Variants in CD226 observed in about 807,000 individuals in gnomAD.
The protein encoded by CD226 is CD226 molecule.
Under a neutral mutation model 34.9 loss-of-function variants are expected in CD226, and 24 were observed. The ratio of observed to expected loss-of-function variants is 0.69; its 90% CI spans 0.50 to 0.97. The LOEUF (loss-of-function observed/expected upper bound fraction) is 0.97. Ranked by LOEUF, CD226 falls within the 50% of genes least tolerant of loss-of-function variation. The pLI, the probability that CD226 is intolerant of heterozygous loss-of-function variation, is 0.00. For synonymous variants in CD226, 148 were observed against 147.4 expected (o/e 1.00, Z -0.03); for missense variants, 397 against 412.7 (o/e 0.96, Z 0.33).
chr18:69,919,374 C>T lies in CD226; in HGVS notation c.383-23329G>A, dbSNP rs531980844. 3.9e-5 allele frequency among the ~76,000 whole-genome samples: 6 copies of T among 152,192 alleles called. No homozygotes were observed. The East Asian group carries it at 1.2e-3, about 29-fold the overall frequency. ...AGGAAAAAACTGACCGTTTACATAG[C>T]TACAAAAAAATATCTAAAATATTGT... On this transcript the variant is annotated intron_variant, in intron 2 of 5. Transcript: ENST00000582621.
At position 69,907,870 on chromosome 18, in the gene CD226, AAAGTT is replaced by A. The variant is rs1186744695; in HGVS notation, c.383-11830_383-11826del. On this transcript the variant is annotated intron_variant, in intron 2 of 5. Coordinates refer to ENST00000582621, the MANE Select transcript of CD226 (RefSeq NM_001303618.2). Reference sequence around the variant, plus strand: ...AATTTCAAATATTCTCACCACAAAAAAAGTTAAGTATTTGAGAGGATGGATACATG... The same window carrying A: ...AATTTCAAATATTCTCACCACAAAAAAAGTATTTGAGAGGATGGATACATG... Among the ~76,000 whole-genome samples, 7 of 152,318 alleles carry A rather than the reference AAAGTT, an allele frequency of 4.6e-5. No homozygotes were observed. In the East Asian group the frequency reaches 9.6e-4, roughly 21 times the overall value.
chr18:69,872,386 A>G (rs1353223889), intron 4 of CD226, among the ~76,000 whole-genome samples: 1 of 151,704 alleles, frequency 6.6e-6, no homozygotes, highest in Non-Finnish European at 1.5e-5. Flanking sequence ...AAAATTCCCA[A>G]CTGTGCTACA....
At chr18:69,901,379 G>C (rs2055180404) in intron 2 of CD226, among the ~76,000 whole-genome samples, 1 of 152,108 alleles carries the variant, frequency 6.6e-6, no homozygotes, top group African/African-American at 2.4e-5. Flanking sequence ...TTGAGATTCA[G>C]GCTAAAATAT....
intron 1 of CD226, among the ~76,000 whole-genome samples, chr18:69,954,416 A>G (rs1223393038): frequency 1.3e-5 from 2 of 152,130 alleles, no homozygotes; most frequent in African/African-American, 2.4e-5. Context: ...AAACATATCT[A>G]TTTTCTGAGG....
At chr18:69,898,604 G>A (rs961459701) in intron 2 of CD226, among the ~76,000 whole-genome samples, 2 of 152,290 alleles carry the variant, frequency 1.3e-5, no homozygotes, top group South Asian at 2.1e-4. Flanking sequence ...CAGCCTGGAG[G>A]TGAAAGAAGT....
At chr18:69,918,107 T>C (rs1327374809) in intron 2 of CD226, among the ~76,000 whole-genome samples, 1 of 152,124 alleles carries the variant, frequency 6.6e-6, no homozygotes, top group African/African-American at 2.4e-5. Flanking sequence ...CAAATCTACT[T>C]TTAAGGGTCT....
intron 2 of CD226, among the ~76,000 whole-genome samples, chr18:69,940,384 G>A (rs2055708451): frequency 6.6e-6 from 1 of 152,228 alleles, no homozygotes; most frequent in Non-Finnish European, 1.5e-5. Flanking sequence ...TTGGAACTGG[G>A]TAACAGGTAG....
At position 69,926,021 on chromosome 18, in the gene CD226, C is replaced by T. The variant is rs570631748; in HGVS notation, c.382+20713G>A. On this transcript the variant is annotated intron_variant, in intron 2 of 5. Coordinates refer to ENST00000582621, the MANE Select transcript of CD226 (RefSeq NM_001303618.2). ...AGTCAGGTGTGAGGGCGCACAACTG[C>T]AATCCAAGCTACTCGGGAGGCTGAG... Among the ~76,000 whole-genome samples, 6 of 152,166 alleles carry T rather than the reference C, an allele frequency of 3.9e-5. No homozygotes were observed. The South Asian group carries it at 1.2e-3, about 32-fold the overall frequency.
At chr18:69,898,683 C>G (rs1286631632) in intron 2 of CD226, among the ~76,000 whole-genome samples, 1 of 152,188 alleles carries the variant, frequency 6.6e-6, no homozygotes, top group East Asian at 1.9e-4. Flanking sequence ...TCCTGACAAA[C>G]AGAGTAACTG....
At chr18:69,898,351 CAA>C (rs1351710758) in intron 2 of CD226, among the ~76,000 whole-genome samples, 2 of 152,146 alleles carry the variant, frequency 1.3e-5, no homozygotes, top group Non-Finnish European at 2.9e-5. Context: ...CCGCCCCGTC[CAA>C]TCTCAGGAGT....
chr18:69,945,508 C>G (rs1230321931), intron 2 of CD226, among the ~76,000 whole-genome samples: 2 of 152,158 alleles, frequency 1.3e-5, no homozygotes, highest in Non-Finnish European at 2.9e-5. Context: ...GACACCACAG[C>G]TCACAATTTA....
intron 2 of CD226, among the ~76,000 whole-genome samples, chr18:69,918,658 A>G (rs2055414940): frequency 6.6e-6 from 1 of 152,252 alleles, no homozygotes; most frequent in Non-Finnish European, 1.5e-5. Context: ...TAAGGAAGCC[A>G]TAAAACTAAA....
chr18:69,953,617 A>G (rs1355276172), intron 1 of CD226, among the ~76,000 whole-genome samples: 1 of 152,216 alleles, frequency 6.6e-6, no homozygotes, highest in Non-Finnish European at 1.5e-5. Flanking sequence ...GTTTTCTTTA[A>G]AATGATGAAA....
chr18:69,900,594 C>T (rs920720810), intron 2 of CD226, among the ~76,000 whole-genome samples: 87 of 150,642 alleles, frequency 5.8e-4, no homozygotes, highest in East Asian at 4.7e-3. Flanking sequence ...TAGCCGGGCG[C>T]GGTGGCGGGC....
intron 3 of CD226, among the ~76,000 whole-genome samples, chr18:69,875,986 G>A (rs183961628): frequency 5.3e-5 from 8 of 152,144 alleles, no homozygotes; most frequent in Admixed American, 2.0e-4. Context: ...CAGTATGGAT[G>A]GTGATACATG....
At chr18:69,910,267 C>T (rs566935137) in intron 2 of CD226, among the ~76,000 whole-genome samples, 1 of 152,350 alleles carries the variant, frequency 6.6e-6, no homozygotes, top group South Asian at 2.1e-4. Flanking sequence ...AGGAACTTGA[C>T]TTCACAGTGG....
At chr18:69,874,349 C>T (rs1983734361) in intron 3 of CD226, among the ~76,000 whole-genome samples, 1 of 152,200 alleles carries the variant, frequency 6.6e-6, no homozygotes, top group African/African-American at 2.4e-5. Flanking sequence ...ACACCTCTCA[C>T]CCTTCAACCC....
intron 2 of CD226, among the ~76,000 whole-genome samples, chr18:69,934,394 G>T (rs529171875): frequency 5.9e-5 from 9 of 152,056 alleles, no homozygotes; most frequent in South Asian, 4.2e-4. Flanking sequence ...CCAAGAATTG[G>T]AACAAGTATG....
intron 2 of CD226, among the ~76,000 whole-genome samples, chr18:69,942,826 C>A (rs2055742278): frequency 6.6e-6 from 1 of 152,202 alleles, no homozygotes. Flanking sequence ...CTTACATGAA[C>A]TTTACACCTC....
Sources: allele counts gnomAD v4.1 joint callset (sites outside exome capture counted in the v4.1 genomes callset), GRCh38; gene constraint gnomAD v4.1.1; transcripts MANE v1.5; gene names NCBI Gene and HGNC (gene_info 2026-07-23, HGNC 2026-07-21).